ASTN1: variants seen among roughly 807,000 people sequenced by gnomAD.
ASTN1 encodes the protein astrotactin-1.
In ASTN1, 41 loss-of-function variants were observed where a neutral mutation model predicts 140.7. The ratio of observed to expected loss-of-function variants is 0.29; its 90% confidence interval spans 0.23 to 0.38. The LOEUF is 0.38. Among genes scored for constraint, ASTN1 ranks in the 10% least tolerant of loss-of-function variants. ASTN1 has a pLI of 1.00. For synonymous variants in ASTN1, 640 were observed against 652.2 expected, an observed-to-expected ratio of 0.98 and a Z score of 0.29; for missense variants, 1,479 against 1,678.8, an observed-to-expected ratio of 0.88 and a Z score of 2.08.
At chr1:176,945,615 A>G (rs936740243) in intron 13 of ASTN1, among the ~76,000 whole-genome samples, 1 of 152,178 alleles carries the variant, frequency 6.6e-6, no homozygotes, top group Non-Finnish European at 1.5e-5. Flanking sequence ...TCACACACTG[A>G]TGCTTCCATT....
intron 1 of ASTN1, among the ~76,000 whole-genome samples, chr1:177,064,036 G>A (rs921463207): frequency 6.6e-6 from 1 of 152,098 alleles, no homozygotes; most frequent in African/African-American, 2.4e-5. Context: ...TCCTCAAGTA[G>A]GTCAGGCTTA....
chr1:177,001,023 T>A (rs117597014), intron 8 of ASTN1, among the ~76,000 whole-genome samples: 2 of 152,272 alleles, frequency 1.3e-5, no homozygotes, highest in South Asian at 2.1e-4. Flanking sequence ...AATTTAAAGA[T>A]CCAATTAGGT....
chr1:176,930,619 C>T (rs1046995446), intron 16 of ASTN1, among the ~76,000 whole-genome samples: 1 of 151,994 alleles, frequency 6.6e-6, no homozygotes, highest in African/African-American at 2.4e-5. Context: ...AGAAAGCTGC[C>T]CTGGTAAAGA....
intron 1 of ASTN1, among the ~76,000 whole-genome samples, chr1:177,106,832 T>C (rs1219414341): frequency 6.6e-6 from 1 of 152,120 alleles, no homozygotes; most frequent in Non-Finnish European, 1.5e-5. Context: ...CAGATAATCA[T>C]AGTAATTTGC....
At position 176,896,922 on chromosome 1, in the gene ASTN1, A is replaced by G. The variant is rs145294708; in HGVS notation, c.2672-2092T>C. On this transcript the variant is annotated intron_variant, in intron 16 of 22. Transcript: ENST00000361833. Reference sequence around the variant, plus strand: ...GAAGCTGTTTCATGCAATGTATGGAAAAGGGCTCAAGCATTTCAGAAACCC... The same window carrying G: ...GAAGCTGTTTCATGCAATGTATGGAGAAGGGCTCAAGCATTTCAGAAACCC... Among the ~76,000 whole-genome samples the G allele has an allele frequency of 2.6e-4, 39 of 152,248 alleles. No individual in the cohort carries two copies. The Middle Eastern group carries it at 0.01, about 40-fold the overall frequency.
intron 2 of ASTN1, among the ~76,000 whole-genome samples, chr1:177,057,803 C>T (rs997027286): frequency 6.6e-6 from 1 of 152,120 alleles, no homozygotes; most frequent in Non-Finnish European, 1.5e-5. Flanking sequence ...TTTCACTTCT[C>T]AATATTGTTA....
chr1:177,037,978 T>C (rs1381327045), intron 2 of ASTN1, among the ~76,000 whole-genome samples: 3 of 152,240 alleles, frequency 2.0e-5, no homozygotes. Context: ...TAGTATGAGA[T>C]TTGTCAGATA....
chr1:177,076,050 C>T (rs1365534744), intron 1 of ASTN1, among the ~76,000 whole-genome samples: 2 of 151,792 alleles, frequency 1.3e-5, no homozygotes, highest in African/African-American at 2.4e-5. Context: ...GAGGCTGAGG[C>T]GGGTGGATCA....
chr1:176,900,383 AC>A (rs1486601183), intron 16 of ASTN1, among the ~76,000 whole-genome samples: 1 of 152,104 alleles, frequency 6.6e-6, no homozygotes, highest in Non-Finnish European at 1.5e-5. Context: ...GCAGGTCCTA[AC>A]TCAGCAAAAC....
intron 2 of ASTN1, among the ~76,000 whole-genome samples, chr1:177,055,665 A>G (rs1677765722): frequency 6.6e-6 from 1 of 152,192 alleles, no homozygotes; most frequent in Non-Finnish European, 1.5e-5. Flanking sequence ...GTCTTTTTGT[A>G]CTTTCCGACT....
At chr1:176,994,559 TC>T (rs1303863809) in intron 8 of ASTN1, among the ~76,000 whole-genome samples, 10 of 152,156 alleles carry the variant, frequency 6.6e-5, no homozygotes, top group Non-Finnish European at 1.5e-4. Context: ...GCCAGGCTGG[TC>T]TCGAACTCCT....
chr1:177,109,088 G>A (rs1237181843), intron 1 of ASTN1, among the ~76,000 whole-genome samples: 43 of 152,108 alleles, frequency 2.8e-4, no homozygotes, highest in Non-Finnish European at 7.4e-5. Context: ...TAGATAAAGG[G>A]ATAGAGAGAT....
chr1:176,864,256 C>T lies in ASTN1; in HGVS notation c.*28G>A, dbSNP rs745410803. 9 of 1,606,468 alleles carry T rather than the reference C, an allele frequency of 5.6e-6. No homozygotes were observed. The highest frequency in any genetic ancestry group is 2.2e-5 in the East Asian group (1 of 44,706). On this transcript the variant is annotated 3_prime_UTR_variant, in exon 23 of 23. Transcript: ENST00000361833. ...GATCCCTCCTCTTTCCTACTTCATTCTGGCAGCAGCTCCCTGGCCTTATGG... is the reference window on the plus strand; with the variant it reads ...GATCCCTCCTCTTTCCTACTTCATTTTGGCAGCAGCTCCCTGGCCTTATGG...
intron 16 of ASTN1, among the ~76,000 whole-genome samples, chr1:176,908,017 A>T (rs1229136886): frequency 6.6e-6 from 1 of 152,090 alleles, no homozygotes; most frequent in Admixed American, 6.6e-5. Flanking sequence ...AGCTGTTATG[A>T]TCATAGGAGG....
chr1:177,067,337 A>G (rs1437741846), intron 1 of ASTN1, among the ~76,000 whole-genome samples: 1 of 152,160 alleles, frequency 6.6e-6, no homozygotes, highest in African/African-American at 2.4e-5. Context: ...GAGCTTCCCT[A>G]TGTGATAAAG....
At chr1:176,989,436 ACAATGGC>A (rs1558013472) in intron 8 of ASTN1, among the ~76,000 whole-genome samples, 1 of 152,252 alleles carries the variant, frequency 6.6e-6, no homozygotes, top group African/African-American at 2.4e-5. Flanking sequence ...CTGCAGAGGT[ACAATGGC>A]CTAACAAACA....
intron 11 of ASTN1, among the ~76,000 whole-genome samples, chr1:176,951,023 C>A (rs544351628): frequency 6.6e-6 from 1 of 152,172 alleles, no homozygotes. Flanking sequence ...CATCACCAGG[C>A]AGGATATGCA....
chr1:177,062,592 T>G (rs1320428584), intron 1 of ASTN1, among the ~76,000 whole-genome samples: 2 of 151,582 alleles, frequency 1.3e-5, no homozygotes, highest in African/African-American at 4.9e-5. Context: ...AAAAATTTAT[T>G]AACTTTGGCC....
chr1:177,115,655 AAAAT>A (rs3041964), intron 1 of ASTN1, among the ~76,000 whole-genome samples: 8,191 of 141,894 alleles, frequency 0.058, 271 homozygotes, highest in Admixed American at 0.069. Context: ...AGACTGTGTC[AAAAT>A]AAATAAATAA....
Sources: allele counts gnomAD v4.1 joint callset (sites outside exome capture counted in the v4.1 genomes callset), GRCh38; gene constraint gnomAD v4.1.1; transcripts MANE v1.5; gene names NCBI Gene and HGNC (gene_info 2026-07-23, HGNC 2026-07-21).